The following FLT1 variants were observed in gnomAD, a reference collection of about 807,000 sequenced individuals.
FLT1 encodes fms related receptor tyrosine kinase 1.
A neutral mutation model predicts 156.3 loss-of-function variants in FLT1; 49 were observed. The observed-to-expected ratio is 0.31, with a 90% CI of 0.25 to 0.40. The LOEUF is 0.40. Among genes scored for constraint, FLT1 ranks in the 10% least tolerant of loss-of-function variants. The probability of loss-of-function intolerance (pLI) is 1.00; values close to 1 mark genes in which losing one functional copy is unlikely to be tolerated. For synonymous variants in FLT1, 594 were observed against 583.8 expected, an observed-to-expected ratio of 1.02 and a Z score of -0.25; for missense variants, 1,322 against 1,637.2, an observed-to-expected ratio of 0.81 and a Z score of 3.32.
chr13:28,386,392 A>G (rs1751525293), intron 13 of FLT1: 2 of 1,022,350 alleles, frequency 2.0e-6, no homozygotes, highest in African/African-American at 3.4e-5. Context: ...GGAGAAACAG[A>G]TTTCTCAATA....
At chr13:28,310,200 T>G (rs1390735745) in intron 27 of FLT1, among the ~76,000 whole-genome samples, 2 of 152,082 alleles carry the variant, frequency 1.3e-5, no homozygotes, top group East Asian at 1.9e-4. Flanking sequence ...GCAAGCAGTA[T>G]TTTCTGACTG....
At chr13:28,437,954 G>A (rs1359270595) in intron 4 of FLT1, among the ~76,000 whole-genome samples, 2 of 152,220 alleles carry the variant, frequency 1.3e-5, no homozygotes, top group African/African-American at 4.8e-5. Flanking sequence ...AGTTGGGTTT[G>A]TGGCAATACA....
rs1183768765 is a variant in FLT1 at position 28,473,711 on chromosome 13, A to AAAGG, written c.65-6095_65-6094insCCTT. Among the ~76,000 whole-genome samples, 287 of 76,802 alleles carry AAAGG rather than the reference A, an allele frequency of 3.7e-3. 4 individuals carry two copies. The highest frequency in any genetic ancestry group is 8.5e-3 in the Admixed American group (57 of 6,668). 50.4% of individuals were successfully genotyped at this position (76,802 alleles called of 152,430 possible). Reference sequence around the variant, plus strand: ...AGAGAGAGAAAGAAAAGAAAGAAAGAAAGAAAGAAAGAAAGAAAGAAGGAA... The same window carrying AAAGG: ...AGAGAGAGAAAGAAAAGAAAGAAAGAAAGGAAGAAAGAAAGAAAGAAAGAAGGAA... On this transcript the variant is annotated intron_variant, in intron 1 of 29. Transcript: ENST00000282397.
chr13:28,317,620 C>T (rs776734734), intron 24 of FLT1, 23 bp from the exon 25 acceptor site: 7 of 1,499,490 alleles, frequency 4.7e-6, no homozygotes, highest in South Asian at 3.4e-5. Flanking sequence ...ATGTGGAAAA[C>T]ACAGGGCCTG....
At chr13:28,433,583 A>G in intron 6 of FLT1, among the ~76,000 whole-genome samples, 1 of 152,208 alleles carries the variant, frequency 6.6e-6, no homozygotes, top group East Asian at 1.9e-4. Flanking sequence ...CAATAGAAAT[A>G]CCAGTCTACA....
intron 3 of FLT1, 138 bp downstream of exon 3, chr13:28,466,765 T>C (rs111796327): frequency 8.3e-6 from 6 of 723,480 alleles, no homozygotes. Flanking sequence ...CGAAAGTGTC[T>C]ACAACTAGGA....
At chr13:28,334,152 G>A in intron 17 of FLT1, 23 bp from the exon 18 acceptor site, 1 of 1,522,740 alleles carries the variant, frequency 6.6e-7, no homozygotes. Flanking sequence ...GAAGACACTG[G>A]TTTGTTTGCC....
chr13:28,422,027 A>G (rs1160104961), intron 10 of FLT1, among the ~76,000 whole-genome samples: 1 of 152,266 alleles, frequency 6.6e-6, no homozygotes. Context: ...ATAAGTAATC[A>G]CCAAATATGT....
rs772751830 is a variant in FLT1, at chr13:28,433,881, T to C, written c.751A>G (p.Asn251Asp). ...TTCAAGGGAGTGGTAGCAGTACAAT[T>C]GAGGACAAGAGTATGGCCTCTAAGT... ...KLLRGHTLVL[N>D]CTATTPLNTR... Residue 251 changes from asparagine to aspartate, a missense_variant, in exon 6 of 30, where the codon AAT becomes GAT. Coordinates refer to ENST00000282397, the MANE Select transcript of FLT1 (RefSeq NM_002019.4). 3 of 1,613,870 alleles carry C rather than the reference T, an allele frequency of 1.9e-6. No homozygotes were observed. The highest frequency in any genetic ancestry group is 1.7e-4 in the Middle Eastern group (1 of 6,060).
intron 3 of FLT1, among the ~76,000 whole-genome samples, chr13:28,454,476 C>T (rs2137594441): frequency 6.6e-6 from 1 of 152,276 alleles, no homozygotes; most frequent in African/African-American, 2.4e-5. Flanking sequence ...TAGGCAAGAA[C>T]TTTGTTGCCA....
chr13:28,479,179 T>C (rs555355333), intron 1 of FLT1, among the ~76,000 whole-genome samples: 1 of 152,294 alleles, frequency 6.6e-6, no homozygotes, highest in East Asian at 1.9e-4. Flanking sequence ...ACCTTTGAGA[T>C]TTAAATGGCC....
intron 24 of FLT1, among the ~76,000 whole-genome samples, chr13:28,317,994 C>T (rs1871275010): frequency 6.6e-6 from 1 of 151,988 alleles, no homozygotes; most frequent in South Asian, 2.1e-4. Flanking sequence ...GGGTCTCCCT[C>T]TGTCACCAGG....
intron 10 of FLT1, among the ~76,000 whole-genome samples, chr13:28,415,789 T>G (rs1434542783): frequency 6.6e-6 from 1 of 152,242 alleles, no homozygotes; most frequent in African/African-American, 2.4e-5. Context: ...GATCCTTGGA[T>G]ACTGTAACTC....
intron 10 of FLT1, among the ~76,000 whole-genome samples, chr13:28,425,663 G>A (rs1294480443): frequency 6.6e-6 from 1 of 151,936 alleles, no homozygotes; most frequent in East Asian, 1.9e-4. Flanking sequence ...ATTTAGAAAA[G>A]GCTCTGTTAT....
chr13:28,350,522 A>G (rs1872706040), intron 15 of FLT1, among the ~76,000 whole-genome samples: 1 of 152,254 alleles, frequency 6.6e-6, no homozygotes, highest in Admixed American at 6.5e-5. Context: ...CTGTACACAC[A>G]GCCTGGGCTG....
chr13:28,473,729 AGAAGGAAGGAAGGAAG>A (rs1157781404), intron 1 of FLT1, among the ~76,000 whole-genome samples: 20 of 84,312 alleles, frequency 2.4e-4, no homozygotes, highest in African/African-American at 8.6e-4. Context: ...AAAGAAAGAA[AGAAGGAAGGAAGGAAG>A]GAAGGAAGGA....
At chr13:28,472,837 C>T (rs1880250774) in intron 1 of FLT1, among the ~76,000 whole-genome samples, 1 of 152,254 alleles carries the variant, frequency 6.6e-6, no homozygotes, top group Non-Finnish European at 1.5e-5. Context: ...AATTCTGATC[C>T]TGGGGTCACA....
intron 24 of FLT1, among the ~76,000 whole-genome samples, 164 bp downstream of exon 24, chr13:28,319,259 C>A (rs748578034): frequency 6.6e-6 from 1 of 152,168 alleles, no homozygotes; most frequent in Admixed American, 6.5e-5. Flanking sequence ...GGCAGACATG[C>A]GTACGCCATT....
chr13:28,450,389 C>G (rs879824311), intron 3 of FLT1, among the ~76,000 whole-genome samples: 1 of 152,216 alleles, frequency 6.6e-6, no homozygotes, highest in Non-Finnish European at 1.5e-5. Context: ...GCTTTCTGTG[C>G]TCTCTGGGTT....
Sources: allele counts gnomAD v4.1 joint callset (sites outside exome capture counted in the v4.1 genomes callset), GRCh38; gene constraint gnomAD v4.1.1; transcripts MANE v1.5; gene names NCBI Gene and HGNC (gene_info 2026-07-23, HGNC 2026-07-21).